The following TLK1 variants were observed in gnomAD, a reference collection of about 807,000 sequenced individuals.
TLK1 encodes serine/threonine-protein kinase tousled-like 1.
Under a neutral mutation model 105.3 loss-of-function variants are expected in TLK1, and 24 were observed. The observed-to-expected ratio is 0.23, with a 90% CI of 0.17 to 0.32. The LOEUF (loss-of-function observed/expected upper bound fraction) is 0.32, where lower values mean the gene tolerates loss of function less well. Among genes scored for constraint, TLK1 ranks in the 10% least tolerant of loss-of-function variants. TLK1 has a pLI of 1.00. For missense variants in TLK1, 558 were observed against 910.5 expected (o/e 0.61, Z 4.98); for synonymous variants, 321 against 310.4 (o/e 1.03, Z -0.36).
At chr2:171,128,412 C>T (rs1394232170) in intron 1 of TLK1, among the ~76,000 whole-genome samples, 2 of 151,978 alleles carry the variant, frequency 1.3e-5, no homozygotes, top group Non-Finnish European at 2.9e-5. Flanking sequence ...AAAGTACATA[C>T]CTTATAGAGT....
chr2:170,997,977 C>G (rs1226191717), intron 18 of TLK1, among the ~76,000 whole-genome samples, 154 bp from the exon 19 acceptor site: 1 of 152,172 alleles, frequency 6.6e-6, no homozygotes, highest in African/African-American at 2.4e-5. Flanking sequence ...GGAGCATTTA[C>G]ATTCTTTTAT....
At chr2:171,014,571 T>C (rs1384525077) in intron 13 of TLK1, among the ~76,000 whole-genome samples, 1 of 152,020 alleles carries the variant, frequency 6.6e-6, no homozygotes, top group Admixed American at 6.6e-5. Flanking sequence ...AGATAAGTAA[T>C]TAAGCCAATT....
intron 1 of TLK1, among the ~76,000 whole-genome samples, chr2:171,203,839 C>T (rs1395024515): frequency 1.3e-5 from 2 of 152,100 alleles, no homozygotes; most frequent in African/African-American, 4.8e-5. Flanking sequence ...CACCTGAGGT[C>T]AGGATTTCAA....
At chr2:171,046,452 C>T in intron 10 of TLK1, 90 bp from the exon 11 acceptor site, 1 of 1,376,618 alleles carries the variant, frequency 7.3e-7, no homozygotes, top group Non-Finnish European at 9.7e-7. Flanking sequence ...ACATGAAAAA[C>T]CATAAAATAT....
At chr2:171,190,174 GT>G (rs1488407525) in intron 1 of TLK1, among the ~76,000 whole-genome samples, 1 of 152,186 alleles carries the variant, frequency 6.6e-6, no homozygotes, top group African/African-American at 2.4e-5. Context: ...AGTGGCAAGG[GT>G]TTTTGGGAGA....
At chr2:171,077,329 G>C (rs55885449) in intron 3 of TLK1, among the ~76,000 whole-genome samples, 17,206 of 152,168 alleles carry the variant, frequency 0.11, 1,524 homozygotes, top group African/African-American at 0.24. Flanking sequence ...AAGATGTGTG[G>C]TTTTATTTCT....
chr2:171,073,916 A>G, intron 3 of TLK1, among the ~76,000 whole-genome samples: 1 of 109,970 alleles, frequency 9.1e-6, no homozygotes, highest in African/African-American at 3.5e-5. Context: ...TTTGAGATGG[A>G]GTCTTGCTGT....
intron 2 of TLK1, among the ~76,000 whole-genome samples, chr2:171,095,844 AC>A (rs2105497094): frequency 6.6e-6 from 1 of 152,282 alleles, no homozygotes; most frequent in African/African-American, 2.4e-5. Context: ...CTCTCAATAA[AC>A]TAGGTATAGA....
rs1558974933 is a variant in TLK1, at chr2:171,160,130, AGAGCCGGG to A, written c.139+152_139+159del. The stretch of plus-strand genomic sequence containing the variant: ...TCCACAGCCAGGGCACTACCTCCCC[AGAGCCGGG>A]GAGCCGGGCGGCCTCGCGTCCACCT... On this transcript the variant is annotated intron_variant, in intron 1 of 20. Transcript: ENST00000431350. The surrounding 1 kb of genome is among the most constrained non-coding windows in gnomAD (Gnocchi z 4.4). 1.3e-5 allele frequency among the ~76,000 whole-genome samples: 2 copies of A among 149,114 alleles called. No homozygotes were observed. The highest frequency in any genetic ancestry group is 3.0e-5 in the Non-Finnish European group (2 of 67,150).
intron 8 of TLK1, among the ~76,000 whole-genome samples, chr2:171,051,409 T>C (rs1687230768): frequency 6.6e-6 from 1 of 152,094 alleles, no homozygotes; most frequent in African/African-American, 2.4e-5. Flanking sequence ...CAAGCAGAAG[T>C]TGTTCAATGA....
At chr2:171,229,085 G>A (rs908174249) in intron 1 of TLK1, among the ~76,000 whole-genome samples, 1 of 152,144 alleles carries the variant, frequency 6.6e-6, no homozygotes, top group Non-Finnish European at 1.5e-5. Context: ...GAACAATATG[G>A]TCTTACATCT....
chr2:171,015,418 AC>A (rs2105373820), intron 12 of TLK1, among the ~76,000 whole-genome samples: 1 of 3,230 alleles, frequency 3.1e-4, no homozygotes, highest in African/African-American at 5.7e-4. Flanking sequence ...GAGTACAAAC[AC>A]ACACACACAC....
intron 1 of TLK1, among the ~76,000 whole-genome samples, chr2:171,178,941 G>A (rs919579591): frequency 6.6e-6 from 1 of 152,090 alleles, no homozygotes; most frequent in African/African-American, 2.4e-5. Context: ...GGATAATTCA[G>A]TGCATTTTTG....
upstream of TLK1, among the ~76,000 whole-genome samples, chr2:171,163,760 T>C (rs1692557645): frequency 6.6e-6 from 1 of 151,948 alleles, no homozygotes; most frequent in African/African-American, 2.4e-5. Context: ...TTTTTTTTAA[T>C]TGTCACCCAG....
At chr2:171,045,233 T>G (rs1287333943) in intron 11 of TLK1, 1 of 144,952 alleles carries the variant, frequency 6.9e-6, no homozygotes, top group Non-Finnish European at 1.5e-5. Context: ...TTTCTCTTTT[T>G]TTTTTTTTTT....
intron 1 of TLK1, among the ~76,000 whole-genome samples, chr2:171,122,786 C>G (rs1016852697): frequency 2.6e-5 from 4 of 151,998 alleles, no homozygotes; most frequent in African/African-American, 7.2e-5. Context: ...CATCTATAAT[C>G]CCAGCACGTT....
At chr2:171,190,526 C>T (rs1693125700) in intron 1 of TLK1, among the ~76,000 whole-genome samples, 1 of 152,084 alleles carries the variant, frequency 6.6e-6, no homozygotes, top group Non-Finnish European at 1.5e-5. Flanking sequence ...GACAATAATC[C>T]TAAAATTTTA....
Position 170,993,008 on chromosome 2 carries a change from C to A in TLK1, c.*772G>T, listed in dbSNP as rs1328254490. The A allele has an allele frequency of 1.7e-4, 26 of 152,556 alleles. No homozygotes were observed. The highest frequency in any genetic ancestry group is 7.9e-4 in the Admixed American group (12 of 15,272). 9.5% of individuals were successfully genotyped at this position (152,556 alleles called of 1,614,324 possible). On this transcript the variant is annotated 3_prime_UTR_variant, in exon 21 of 21. Transcript: ENST00000431350. The stretch of plus-strand genomic sequence containing the variant: ...AAGGCCTGGTAACAAAAGAAAAATA[C>A]CTGTTATCAATTCTAACGTGTTGAA...
chr2:171,123,420 T>C (rs887655872), intron 1 of TLK1, among the ~76,000 whole-genome samples: 1 of 152,078 alleles, frequency 6.6e-6, no homozygotes, highest in Admixed American at 6.6e-5. Flanking sequence ...CCAAGCTGTT[T>C]TTGAACTCCT....
Sources: gnomAD v4.1 joint callset for allele counts (sites outside exome capture counted in the v4.1 genomes callset) on GRCh38, gnomAD v4.1.1 for gene constraint, Gnocchi (gnomAD v3.1) non-coding constraint, MANE v1.5 for transcripts, NCBI Gene and HGNC (gene_info 2026-07-23, HGNC 2026-07-21) for gene names.